The following EHBP1 variants were observed in gnomAD, a reference collection of about 807,000 sequenced individuals.
EHBP1 encodes the protein EH domain binding protein 1.
EHBP1 carries 55 observed loss-of-function variants against 144.0 expected under a neutral mutation model. That is an observed-to-expected ratio of 0.38 (90% CI 0.31 to 0.48). The LOEUF (loss-of-function observed/expected upper bound fraction) is 0.48, where lower values mean the gene tolerates loss of function less well. EHBP1 is among the 20% of genes least tolerant of loss of function. EHBP1 has a pLI of 0.98. For missense variants in EHBP1, 1,200 were observed against 1,364.2 expected, an observed-to-expected ratio of 0.88 and a Z score of 1.90; for synonymous variants, 469 against 472.7, an observed-to-expected ratio of 0.99 and a Z score of 0.10.
chr2:62,935,561 A>G (rs1219383448), intron 10 of EHBP1, among the ~76,000 whole-genome samples: 1 of 151,938 alleles, frequency 6.6e-6, no homozygotes, highest in East Asian at 1.9e-4. Context: ...TTTGTATCCA[A>G]CACCTTGCTA....
chr2:62,921,618 C>T (rs745430114), intron 10 of EHBP1, among the ~76,000 whole-genome samples: 6 of 151,790 alleles, frequency 4.0e-5, no homozygotes, highest in Non-Finnish European at 8.8e-5. Flanking sequence ...ATGAGGCATA[C>T]AGAAAACAAC....
At chr2:62,731,635 C>A (rs576567394) in intron 2 of EHBP1, among the ~76,000 whole-genome samples, 3 of 152,230 alleles carry the variant, frequency 2.0e-5, no homozygotes, top group African/African-American at 7.2e-5. Flanking sequence ...TTGTCAAATA[C>A]TCCATCTAAT....
At chr2:62,736,415 G>T (rs1260823374) in intron 2 of EHBP1, among the ~76,000 whole-genome samples, 1 of 151,546 alleles carries the variant, frequency 6.6e-6, no homozygotes, top group Non-Finnish European at 1.5e-5. Flanking sequence ...GTAGAGATGG[G>T]GTTTTGCCAT....
At chr2:62,742,933 A>G (rs2038850150) in intron 2 of EHBP1, among the ~76,000 whole-genome samples, 1 of 152,094 alleles carries the variant, frequency 6.6e-6, no homozygotes, top group African/African-American at 2.4e-5. Context: ...ATTTGTTTTT[A>G]ATAGCTCACT....
chr2:62,951,534 T>TGGGGG (rs70962799), intron 13 of EHBP1, among the ~76,000 whole-genome samples: 7 of 92,326 alleles, frequency 7.6e-5, no homozygotes, highest in Non-Finnish European at 1.1e-4. Context: ...TTTTTTTTTT[T>TGGGGG]GGGGGGGGGG....
chr2:62,958,323 C>T (rs1440254844), intron 14 of EHBP1, among the ~76,000 whole-genome samples: 1 of 152,146 alleles, frequency 6.6e-6, no homozygotes, highest in African/African-American at 2.4e-5. Context: ...AAATGTCCAT[C>T]ACCAGACAAA....
At chr2:62,812,537 A>G (rs1054792154) in intron 5 of EHBP1, among the ~76,000 whole-genome samples, 1 of 152,182 alleles carries the variant, frequency 6.6e-6, no homozygotes, top group Non-Finnish European at 1.5e-5. Context: ...AGCTGTGATT[A>G]GGATGCCAGT....
intron 5 of EHBP1, among the ~76,000 whole-genome samples, chr2:62,816,305 T>A (rs1203894823): frequency 6.6e-6 from 1 of 152,208 alleles, no homozygotes; most frequent in Non-Finnish European, 1.5e-5. Context: ...ATTAAATTAT[T>A]TTCTATAGAA....
intron 19 of EHBP1, among the ~76,000 whole-genome samples, chr2:63,029,532 C>A (rs2061140546): frequency 6.6e-6 from 1 of 151,156 alleles, no homozygotes. Flanking sequence ...ATCATCACCC[C>A]CTTCATTATT....
chr2:62,782,542 G>T (rs778641145), intron 5 of EHBP1, among the ~76,000 whole-genome samples: 1 of 152,152 alleles, frequency 6.6e-6, no homozygotes, highest in Admixed American at 6.5e-5. Context: ...CCACAGTTCC[G>T]TATGGCTGGG....
intron 2 of EHBP1, among the ~76,000 whole-genome samples, chr2:62,710,734 A>T (rs551556269): frequency 6.6e-6 from 1 of 152,276 alleles, no homozygotes; most frequent in Non-Finnish European, 1.5e-5. Flanking sequence ...TGTTAGATAA[A>T]ATATAAACTC....
chr2:62,757,426 C>CTTTTTTTT (rs555494268), intron 3 of EHBP1, among the ~76,000 whole-genome samples: 7 of 113,036 alleles, frequency 6.2e-5, no homozygotes, highest in Non-Finnish European at 9.2e-5. Context: ...TTTTTTTTTT[C>CTTTTTTTT]TTTTTTTTTT....
At chr2:62,949,300 T>A in intron 13 of EHBP1, 138 bp downstream of exon 13, 1 of 769,338 alleles carries the variant, frequency 1.3e-6, no homozygotes, top group Non-Finnish European at 1.9e-6. Context: ...AGGCATGTAG[T>A]AATGTGTGCC....
At chr2:62,979,635 G>A (rs1276145625) in intron 15 of EHBP1, among the ~76,000 whole-genome samples, 1 of 152,128 alleles carries the variant, frequency 6.6e-6, no homozygotes, top group Non-Finnish European at 1.5e-5. Context: ...ATAGTATTAG[G>A]AGTATGTAAA....
At chr2:62,729,531 AT>A (rs1338483450) in intron 2 of EHBP1, among the ~76,000 whole-genome samples, 4 of 121,516 alleles carry the variant, frequency 3.3e-5, no homozygotes, top group Non-Finnish European at 3.2e-5. Context: ...TAAATATAAT[AT>A]ATATAATATA....
chr2:62,904,555 C>T (rs1483254244), intron 10 of EHBP1, among the ~76,000 whole-genome samples: 4 of 152,110 alleles, frequency 2.6e-5, no homozygotes, highest in Non-Finnish European at 4.4e-5. Flanking sequence ...ATGGGCTGCC[C>T]GATGGTGGCA....
At chr2:62,747,679 GA>G (rs1162668977) in intron 3 of EHBP1, among the ~76,000 whole-genome samples, 2 of 151,742 alleles carry the variant, frequency 1.3e-5, no homozygotes, top group African/African-American at 4.8e-5. Flanking sequence ...ACTATGGTTT[GA>G]AAAAAATCAG....
chr2:62,853,090 A>C (rs567783352), intron 7 of EHBP1, among the ~76,000 whole-genome samples: 2 of 152,168 alleles, frequency 1.3e-5, no homozygotes, highest in African/African-American at 4.8e-5. Context: ...TCAACTTTTC[A>C]TATATATTTT....
intron 19 of EHBP1, among the ~76,000 whole-genome samples, chr2:63,006,785 A>G (rs1458206391): frequency 1.3e-5 from 2 of 151,864 alleles, no homozygotes; most frequent in East Asian, 3.9e-4. Flanking sequence ...GAAAGAGTTC[A>G]GTACATTTGT....
Sources: gnomAD v4.1 joint callset for allele counts (sites outside exome capture counted in the v4.1 genomes callset) on GRCh38, gnomAD v4.1.1 for gene constraint, MANE v1.5 for transcripts, NCBI Gene and HGNC (gene_info 2026-07-23, HGNC 2026-07-21) for gene names.